Variants in TCF7L1 observed in about 807,000 individuals in gnomAD.
TCF7L1 encodes the protein transcription factor 7-like 1.
A neutral mutation model predicts 63.7 loss-of-function variants in TCF7L1; 18 were observed. The observed-to-expected ratio is 0.28, with a 90% confidence interval of 0.20 to 0.42. The LOEUF is 0.42. Ranked by LOEUF, TCF7L1 falls within the 10% of genes least tolerant of loss-of-function variation. TCF7L1 has a pLI of 1.00. For missense variants in TCF7L1, 654 were observed against 779.3 expected (o/e 0.84, Z 1.91); for synonymous variants, 355 against 340.9 (o/e 1.04, Z -0.46).
At chr2:85,209,919 A>G (rs1477528185) in intron 3 of TCF7L1, among the ~76,000 whole-genome samples, 1 of 152,200 alleles carries the variant, frequency 6.6e-6, no homozygotes, top group East Asian at 1.9e-4. Flanking sequence ...TTAATGAATT[A>G]GGAAACTGTT....
chr2:85,258,483 T>C (rs1470811941), intron 3 of TCF7L1, among the ~76,000 whole-genome samples: 1 of 152,120 alleles, frequency 6.6e-6, no homozygotes, highest in Non-Finnish European at 1.5e-5. Flanking sequence ...GATGTTTCCA[T>C]GTGTGGTCCC....
At chr2:85,203,317 A>G (rs543555578) in intron 3 of TCF7L1, among the ~76,000 whole-genome samples, 63 of 152,320 alleles carry the variant, frequency 4.1e-4, no homozygotes, top group African/African-American at 1.4e-3. Context: ...TGCCAAACTC[A>G]CTGTCATATT....
chr2:85,207,756 G>A (rs1031075759), intron 3 of TCF7L1, among the ~76,000 whole-genome samples: 2 of 152,052 alleles, frequency 1.3e-5, no homozygotes, highest in African/African-American at 2.4e-5. Context: ...CTTCAGTGCT[G>A]TATTCAACAG....
chr2:85,244,430 A>G (rs1306460209), intron 3 of TCF7L1, among the ~76,000 whole-genome samples: 1 of 152,184 alleles, frequency 6.6e-6, no homozygotes, highest in Non-Finnish European at 1.5e-5. Context: ...TGGCAGTAGA[A>G]ATGGGGAAAG....
chr2:85,175,463 CG>C (rs889421462), intron 3 of TCF7L1, among the ~76,000 whole-genome samples: 3 of 152,162 alleles, frequency 2.0e-5, no homozygotes, highest in Non-Finnish European at 4.4e-5. Context: ...TGGGGAGCCA[CG>C]GGGGCAAGTG....
Position 85,305,331 on chromosome 2 carries a change from C to T in TCF7L1, c.917C>T (p.Pro306Leu), listed in dbSNP as rs539128280. The T allele has an allele frequency of 1.1e-5, 17 of 1,613,944 alleles. No individual in the cohort carries two copies. In the African/African-American group the frequency reaches 2.0e-4, roughly 19 times the overall value. The change falls in exon 8 of 12, where the codon CCC becomes CTC. Residue 306 changes from proline to leucine, a missense_variant. Physicochemically the swap from Pro to Leu is moderately conservative, Grantham distance 98. This residue lies in a region of TCF7L1 where 404 missense variants were observed against 454.8 expected (regional missense o/e 0.89). Transcript: ENST00000282111. ...AHPGLPTSGI[P>L]HPAIVSPIVK... is the part of the protein sequence containing the mutation. ...CCTGGCCTGCCCACCTCAGGGATCC[C>T]CCACCCTGCCATCGTCTCCCCCATC...
chr2:85,185,098 T>C (rs1678887420), intron 3 of TCF7L1, among the ~76,000 whole-genome samples: 2 of 152,126 alleles, frequency 1.3e-5, no homozygotes, highest in South Asian at 2.1e-4. Context: ...AAGAATTTCA[T>C]GTTTCTTAGG....
chr2:85,142,216 C>T (rs751379884), intron 3 of TCF7L1, among the ~76,000 whole-genome samples: 4 of 152,052 alleles, frequency 2.6e-5, no homozygotes, highest in Non-Finnish European at 4.4e-5. Flanking sequence ...TGCTTGAGCT[C>T]ACGAGTTCGA....
At chr2:85,232,945 A>G (rs1680116393) in intron 3 of TCF7L1, 1 of 151,958 alleles carries the variant, frequency 6.6e-6, no homozygotes, top group Admixed American at 6.6e-5. Context: ...TCATTTATTT[A>G]TTTTTTTGAG....
At chr2:85,239,879 G>C (rs1680282883) in intron 3 of TCF7L1, among the ~76,000 whole-genome samples, 1 of 145,562 alleles carries the variant, frequency 6.9e-6, no homozygotes, top group South Asian at 2.1e-4. Context: ...CTGGGAGGCA[G>C]AGGTTGCAAT....
Position 85,289,221 on chromosome 2 carries a change from AGTGTGTGTGTGT to A in TCF7L1, c.525+5664_525+5675del, listed in dbSNP as rs10701623. Reference sequence around the variant, plus strand: ...TTTGTTAAATAGTATTTCAGTCTGGAGTGTGTGTGTGTGTGTGTGTGTGTGTGTGTGTATACT... The same window carrying A: ...TTTGTTAAATAGTATTTCAGTCTGGAGTGTGTGTGTGTGTGTGTGTATACT... On this transcript the variant is annotated intron_variant, in intron 4 of 11. Coordinates refer to ENST00000282111, the MANE Select transcript of TCF7L1 (RefSeq NM_031283.3). Among the ~76,000 whole-genome samples, 1,320 of 146,512 alleles carry A rather than the reference AGTGTGTGTGTGT, an allele frequency of 9.0e-3. 9 individuals carry two copies. The highest frequency in any genetic ancestry group is 0.015 in the Non-Finnish European group (987 of 66,442).
At chr2:85,227,241 A>G (rs1039451127) in intron 3 of TCF7L1, among the ~76,000 whole-genome samples, 12 of 152,120 alleles carry the variant, frequency 7.9e-5, no homozygotes, top group Non-Finnish European at 1.3e-4. Context: ...CGCTCACTGC[A>G]TTGCTCTGCT....
intron 3 of TCF7L1, among the ~76,000 whole-genome samples, chr2:85,142,876 G>C (rs1041014949): frequency 3.9e-5 from 6 of 152,186 alleles, no homozygotes; most frequent in African/African-American, 1.4e-4. Flanking sequence ...TGTTAGCAAT[G>C]CTCTGAGCTC....
intron 3 of TCF7L1, among the ~76,000 whole-genome samples, chr2:85,212,221 C>T (rs1316511974): frequency 1.3e-5 from 2 of 152,166 alleles, no homozygotes; most frequent in Non-Finnish European, 2.9e-5. Flanking sequence ...TGTGGCCACC[C>T]CTCCTGCAGA....
chr2:85,292,768 G>T (rs1402546846), intron 4 of TCF7L1, among the ~76,000 whole-genome samples: 1 of 152,126 alleles, frequency 6.6e-6, no homozygotes. Context: ...TATAGAGACG[G>T]GGTTTCGGCA....
chr2:85,173,456 A>T (rs956730860), intron 3 of TCF7L1, among the ~76,000 whole-genome samples: 9 of 152,160 alleles, frequency 5.9e-5, no homozygotes, highest in African/African-American at 2.2e-4. Context: ...TGCGGGGAGG[A>T]GGGGCGCATG....
intron 3 of TCF7L1, among the ~76,000 whole-genome samples, chr2:85,265,328 G>A (rs952907303): frequency 1.3e-5 from 2 of 151,952 alleles, no homozygotes; most frequent in African/African-American, 2.4e-5. Context: ...GCCCCACCCT[G>A]GAAGAGTTAA....
At chr2:85,289,490 G>C (rs77357636) in intron 4 of TCF7L1, among the ~76,000 whole-genome samples, 22 of 152,176 alleles carry the variant, frequency 1.4e-4, no homozygotes, top group Non-Finnish European at 2.9e-4. Context: ...GTTAGGCTGA[G>C]CATCCAGAAT....
intron 3 of TCF7L1, among the ~76,000 whole-genome samples, chr2:85,267,760 C>T (rs143391348): frequency 8.3e-4 from 126 of 151,984 alleles, no homozygotes; most frequent in African/African-American, 2.9e-3. Context: ...ATAATAATAG[C>T]ATCAACTTAT....
Sources: gnomAD v4.1 joint callset for allele counts (sites outside exome capture counted in the v4.1 genomes callset) on GRCh38, gnomAD v4.1.1 for gene constraint, gnomAD v4.1.1 regional missense constraint, MANE v1.5 for transcripts, NCBI Gene and HGNC (gene_info 2026-07-23, HGNC 2026-07-21) for gene names.